The following SMIM10L3 variants were observed in gnomAD, a reference collection of about 807,000 sequenced individuals.
SMIM10L3 encodes the protein salivary gland specific protein SAGSIN1.
At chr7:6,337,955 T>C in the SMIM10L3 span, among the ~76,000 whole-genome samples, 1 of 151,692 alleles carries the variant, frequency 6.6e-6, no homozygotes, top group Middle Eastern at 3.4e-3. Flanking sequence ...AGGCACCAGC[T>C]GCCACGCCCA....
the SMIM10L3 span, among the ~76,000 whole-genome samples, chr7:6,335,228 A>T: frequency 2.7e-5 from 4 of 145,828 alleles, no homozygotes; most frequent in African/African-American, 1.0e-4. Flanking sequence ...ATGCCCAGCT[A>T]TTTTTTTTTT....
the SMIM10L3 span, among the ~76,000 whole-genome samples, chr7:6,334,146 G>A: frequency 1.1e-3 from 169 of 150,188 alleles, no homozygotes; most frequent in Non-Finnish European, 1.8e-3. Context: ...GCACCCAGCC[G>A]AACTCCTGGT....
chr7:6,334,618 C>T, the SMIM10L3 span, among the ~76,000 whole-genome samples: 389 of 152,052 alleles, frequency 2.6e-3, no homozygotes, highest in African/African-American at 8.4e-3. Context: ...AGGTGCACAC[C>T]GCCACGCCCG....
chr7:6,348,144 AG>A, the SMIM10L3 span, among the ~76,000 whole-genome samples: 2 of 150,486 alleles, frequency 1.3e-5, no homozygotes, highest in African/African-American at 4.9e-5. Flanking sequence ...TCCTGACCTC[AG>A]GTAATCCGCC....
the SMIM10L3 span, among the ~76,000 whole-genome samples, chr7:6,346,267 G>GT: frequency 3.3e-5 from 5 of 152,102 alleles, no homozygotes; most frequent in African/African-American, 1.2e-4. Context: ...CCTGGTGGAG[G>GT]TTTTGACCCC....
At chr7:6,330,449 C>A in the SMIM10L3 span, 1 of 1,614,172 alleles carries the variant, frequency 6.2e-7, no homozygotes, top group Non-Finnish European at 8.5e-7. Context: ...TGCAGACCAT[C>A]TGAGGTGCTT....
chr7:6,331,323 ACT>A, the SMIM10L3 span: 1 of 668,594 alleles, frequency 1.5e-6, no homozygotes, highest in East Asian at 2.7e-5. Context: ...CCTAACAAAC[ACT>A]GAGATCTTTA....
At chr7:6,330,961 A>G in the SMIM10L3 span, 23 of 1,614,172 alleles carry the variant, frequency 1.4e-5, no homozygotes, top group South Asian at 2.2e-4. Context: ...ATCCTTTCTC[A>G]TTTCCAGTGA....
the SMIM10L3 span, among the ~76,000 whole-genome samples, chr7:6,338,872 C>A: frequency 2.6e-5 from 4 of 152,210 alleles, no homozygotes. Context: ...GAAGACACAG[C>A]TAAAACCAGC....
the SMIM10L3 span, among the ~76,000 whole-genome samples, chr7:6,340,358 G>C: frequency 6.6e-6 from 1 of 152,174 alleles, no homozygotes; most frequent in Non-Finnish European, 1.5e-5. Context: ...ACGCTGCTGA[G>C]AGGGTTGGTG....
At chr7:6,333,772 CTTT>C in the SMIM10L3 span, among the ~76,000 whole-genome samples, 1 of 125,074 alleles carries the variant, frequency 8.0e-6, no homozygotes, top group East Asian at 2.5e-4. Context: ...GAACAAGTGT[CTTT>C]TTTTTTTTTT....
the SMIM10L3 span, chr7:6,331,179 G>A: frequency 1.3e-6 from 2 of 1,592,476 alleles, no homozygotes; most frequent in African/African-American, 2.7e-5. Context: ...GATGCGGTGG[G>A]CCTGAGGTCA....
chr7:6,339,431 C>T, the SMIM10L3 span, among the ~76,000 whole-genome samples: 1 of 152,022 alleles, frequency 6.6e-6, no homozygotes, highest in African/African-American at 2.4e-5. Flanking sequence ...AGCAAGACCC[C>T]ATCTCCATAA....
the SMIM10L3 span, among the ~76,000 whole-genome samples, chr7:6,340,525 C>T: frequency 4.1e-4 from 63 of 152,234 alleles, no homozygotes; most frequent in African/African-American, 1.4e-3. Context: ...AGGGCAAATA[C>T]AGACCACCCA....
chr7:6,342,182 CCTTT>C, the SMIM10L3 span, among the ~76,000 whole-genome samples: 1 of 152,070 alleles, frequency 6.6e-6, no homozygotes, highest in African/African-American at 2.4e-5. Context: ...CATTTTCTTT[CCTTT>C]CTTTTTTCTT....
At chr7:6,347,980 G>A in the SMIM10L3 span, among the ~76,000 whole-genome samples, 1 of 150,724 alleles carries the variant, frequency 6.6e-6, no homozygotes, top group Non-Finnish European at 1.5e-5. Context: ...GAGCGATCTC[G>A]GCTCACCGCA....
At chr7:6,338,188 T>C in the SMIM10L3 span, among the ~76,000 whole-genome samples, 1 of 152,202 alleles carries the variant, frequency 6.6e-6, no homozygotes, top group South Asian at 2.1e-4. Context: ...GTTATACATA[T>C]TACCTGTATT....
the SMIM10L3 span, among the ~76,000 whole-genome samples, chr7:6,346,584 T>G: frequency 4.5e-4 from 69 of 152,268 alleles, 2 homozygotes; most frequent in East Asian, 0.011. Context: ...TTTCACCCTG[T>G]AGCCCAGGGT....
the SMIM10L3 span, among the ~76,000 whole-genome samples, chr7:6,341,459 A>ATT: frequency 8.7e-4 from 124 of 142,482 alleles, 2 homozygotes; most frequent in South Asian, 0.014. Flanking sequence ...TAATAATAAT[A>ATT]ATTATTATTA....
Sources: gnomAD v4.1 joint callset for allele counts (sites outside exome capture counted in the v4.1 genomes callset) on GRCh38, gnomAD v4.1.1 for gene constraint, MANE v1.5 for transcripts, NCBI Gene and HGNC (gene_info 2026-07-23, HGNC 2026-07-21) for gene names.